RIC1: variants seen among roughly 807,000 people sequenced by gnomAD.
The protein encoded by RIC1 is RIC1 partner of RAB6A GEF complex.
A neutral mutation model predicts 169.0 loss-of-function variants in RIC1; 88 were observed. The ratio of observed to expected loss-of-function variants is 0.52; its 90% CI spans 0.44 to 0.62. The LOEUF (loss-of-function observed/expected upper bound fraction) is 0.62. RIC1 is among the 20% of genes least tolerant of loss of function. RIC1 has a pLI of 0.00. For synonymous variants in RIC1, 790 were observed against 601.5 expected (o/e 1.31, Z -4.59); for missense variants, 1,877 against 1,725.5 (o/e 1.09, Z -1.56).
intron 2 of RIC1, among the ~76,000 whole-genome samples, chr9:5,661,090 G>A (rs1815417095): frequency 6.6e-6 from 1 of 152,108 alleles, no homozygotes; most frequent in Admixed American, 6.6e-5. Flanking sequence ...TATTACATGG[G>A]GAATCCTTTC....
At chr9:5,712,860 T>G (rs1173699396) in intron 3 of RIC1, 3 of 152,208 alleles carry the variant, frequency 2.0e-5, no homozygotes, top group African/African-American at 4.8e-5. Context: ...TTAGCTAGTT[T>G]AGTCATTTAG....
At position 5,633,202 on chromosome 9, in the gene RIC1, T is replaced by C. The variant is rs1054742011; in HGVS notation, c.144+3749T>C. ...CTAATCATGGAAAAAAACAATGATA[T>C]GTCAAAAGAACCAAGCTTTGGATCA... On this transcript the variant is annotated intron_variant, in intron 1 of 25. Transcript: ENST00000414202. 5.9e-5 allele frequency among the ~76,000 whole-genome samples: 9 copies of C among 152,200 alleles called. No homozygotes were observed. In the East Asian group the frequency reaches 1.5e-3, roughly 26 times the overall value.
chr9:5,666,568 T>G (rs986287951), intron 2 of RIC1, among the ~76,000 whole-genome samples: 1 of 152,238 alleles, frequency 6.6e-6, no homozygotes, highest in African/African-American at 2.4e-5. Flanking sequence ...ACTTCTGTTC[T>G]TAGTTTCTGG....
At chr9:5,749,443 C>G (rs1250141237) in intron 12 of RIC1, among the ~76,000 whole-genome samples, 3 of 152,192 alleles carry the variant, frequency 2.0e-5, no homozygotes, top group Non-Finnish European at 4.4e-5. Flanking sequence ...ACATAGTTGC[C>G]TGGTTTAATT....
chr9:5,633,524 A>G (rs925488022), intron 1 of RIC1, among the ~76,000 whole-genome samples: 3 of 152,012 alleles, frequency 2.0e-5, no homozygotes, highest in African/African-American at 7.3e-5. Flanking sequence ...TTCTTTACCT[A>G]CCGTAACCAT....
At chr9:5,733,263 A>ATT (rs71487829) in intron 7 of RIC1, among the ~76,000 whole-genome samples, 19 of 134,870 alleles carry the variant, frequency 1.4e-4, no homozygotes, top group South Asian at 2.4e-4. Context: ...AGTATCAAAG[A>ATT]TTTTTTTTTT....
At chr9:5,639,163 C>T (rs1429639937) in intron 1 of RIC1, among the ~76,000 whole-genome samples, 1 of 152,156 alleles carries the variant, frequency 6.6e-6, no homozygotes, top group Non-Finnish European at 1.5e-5. Flanking sequence ...CACCTCGGCT[C>T]CCAAAGTGCT....
At chr9:5,716,107 G>A (rs796944097) in intron 4 of RIC1, among the ~76,000 whole-genome samples, 34 of 151,940 alleles carry the variant, frequency 2.2e-4, no homozygotes, top group African/African-American at 8.0e-4. Context: ...GCCTCTCAAA[G>A]TGCTGGGATT....
At chr9:5,748,934 T>A (rs1825551962) in intron 12 of RIC1, among the ~76,000 whole-genome samples, 1 of 152,216 alleles carries the variant, frequency 6.6e-6, no homozygotes, top group Non-Finnish European at 1.5e-5. Context: ...CTTTTAAAAC[T>A]TGAGTTTACC....
At chr9:5,653,994 G>A (rs1162935159) in intron 1 of RIC1, among the ~76,000 whole-genome samples, 1 of 152,118 alleles carries the variant, frequency 6.6e-6, no homozygotes, top group Non-Finnish European at 1.5e-5. Flanking sequence ...TTTTAAAAAT[G>A]CTTTTTACAT....
At chr9:5,748,302 C>A (rs962621918) in intron 12 of RIC1, among the ~76,000 whole-genome samples, 4 of 152,122 alleles carry the variant, frequency 2.6e-5, no homozygotes, top group African/African-American at 9.7e-5. Context: ...CTTTGACTCT[C>A]TATATGTTTA....
intron 2 of RIC1, among the ~76,000 whole-genome samples, chr9:5,682,351 C>G (rs375267906): frequency 2.6e-5 from 4 of 152,132 alleles, no homozygotes; most frequent in Non-Finnish European, 4.4e-5. Flanking sequence ...TAAGGCAGGC[C>G]TGGTGGGGAC....
Position 5,642,533 on chromosome 9 carries a change from G to A in RIC1, c.144+13080G>A, listed in dbSNP as rs965733247. On this transcript the variant is annotated intron_variant, in intron 1 of 25. Transcript: ENST00000414202. ...TCCAGAAATGCTGTCTGGAAGCCAG[G>A]GATTAGAGTCAAAATTCTTAGCAAT... 1.4e-4 allele frequency among the ~76,000 whole-genome samples: 20 copies of A among 143,940 alleles called. 7 individuals are homozygous for A. Among genetic ancestry groups the A allele is most frequent in the African/African-American group, 5.7e-4 (20 of 34,970 alleles). The allele number at this position is 143,940 out of a possible 152,430, so 94.4% of individuals were successfully genotyped here.
downstream of RIC1, among the ~76,000 whole-genome samples, chr9:5,776,865 A>G (rs1049054158): frequency 1.3e-5 from 2 of 152,088 alleles, no homozygotes; most frequent in Admixed American, 6.5e-5. Context: ...ATGTAAGTAT[A>G]GAGGAACCTA....
At chr9:5,777,753 T>A (rs1827668741), downstream of RIC1, among the ~76,000 whole-genome samples, 1 of 152,186 alleles carries the variant, frequency 6.6e-6, no homozygotes, top group Non-Finnish European at 1.5e-5. Context: ...GGAAAGGATT[T>A]TTTTCCCATT....
At position 5,763,853 on chromosome 9, in the gene RIC1, C is replaced by T. The variant is rs1042776979; in HGVS notation, c.2826C>T (p.Tyr942=). 4 of 1,611,192 alleles carry T rather than the reference C, an allele frequency of 2.5e-6. No individual in the cohort carries two copies. The African/African-American group carries it at 4.0e-5, about 16-fold the overall frequency. Residue 942 remains tyrosine (Y), a synonymous_variant, in exon 19 of 26, where the codon TAC becomes TAT. Transcript: ENST00000414202. This position sits in a 1 kb window ranked among gnomAD's most constrained non-coding sequence, Gnocchi z 5.2. ...AGGATTTGGACACAGCTGCCTCTTA[C>T]CTTATTATCTTACAGGTAACAATTC... ...MAQDLDTAAS[Y]LIILQNMEVP...
At chr9:5,759,680 C>CT (rs1161250962) in intron 17 of RIC1, among the ~76,000 whole-genome samples, 1 of 151,998 alleles carries the variant, frequency 6.6e-6, no homozygotes. Context: ...AGCATTGTAG[C>CT]TATGTTAGCA....
intron 3 of RIC1, among the ~76,000 whole-genome samples, chr9:5,709,053 A>AT (rs1397496058): frequency 6.6e-6 from 1 of 152,150 alleles, no homozygotes; most frequent in Non-Finnish European, 1.5e-5. Flanking sequence ...TTTGTACACT[A>AT]TATTAGTCAG....
intron 7 of RIC1, among the ~76,000 whole-genome samples, chr9:5,736,602 G>A (rs1028437896): frequency 2.6e-5 from 4 of 152,170 alleles, no homozygotes; most frequent in Non-Finnish European, 5.9e-5. Context: ...GTGGCACAAA[G>A]AGAGAACTTC....
Sources: allele counts gnomAD v4.1 joint callset (sites outside exome capture counted in the v4.1 genomes callset), GRCh38; gene constraint gnomAD v4.1.1; non-coding constraint Gnocchi (gnomAD v3.1); transcripts MANE v1.5; gene names NCBI Gene and HGNC (gene_info 2026-07-23, HGNC 2026-07-21).